The following NCOR2 variants were observed in gnomAD, a reference collection of about 807,000 sequenced individuals.
NCOR2 encodes the protein CTG repeat protein 26.
NCOR2 carries 81 observed loss-of-function variants against 262.9 expected under a neutral mutation model. The ratio of observed to expected loss-of-function variants is 0.31; its 90% CI spans 0.26 to 0.37. NCOR2 has a LOEUF of 0.37. NCOR2 is among the 10% of genes least tolerant of loss of function. The pLI is 1.00. For missense variants in NCOR2, 3,385 were observed against 3,621.4 expected (o/e 0.93, Z 1.68); for synonymous variants, 1,659 against 1,559.3 (o/e 1.06, Z -1.51).
At chr12:124,427,408 T>TA (rs1198615707) in intron 10 of NCOR2, among the ~76,000 whole-genome samples, 1 of 152,148 alleles carries the variant, frequency 6.6e-6, no homozygotes, top group African/African-American at 2.4e-5. Context: ...GGATGACTAT[T>TA]AAGAGGCTCT....
chr12:124,370,509 G>A (rs1682141571), intron 20 of NCOR2, among the ~76,000 whole-genome samples: 1 of 152,288 alleles, frequency 6.6e-6, no homozygotes, highest in South Asian at 2.1e-4. Context: ...CATTCCAAGG[G>A]ACTTGGGAGG....
chr12:124,391,511 G>C (rs1013954427), intron 16 of NCOR2, among the ~76,000 whole-genome samples: 5 of 151,956 alleles, frequency 3.3e-5, no homozygotes, highest in Non-Finnish European at 4.4e-5. Flanking sequence ...GCGGGGGGGG[G>C]GTTCCACAGG....
chr12:124,417,793 G>T lies in NCOR2; in HGVS notation c.1482+2164C>A, dbSNP rs535934927. Among the ~76,000 whole-genome samples the T allele has an allele frequency of 5.2e-4, 79 of 152,314 alleles. 1 individual carries two copies. The highest frequency in any genetic ancestry group is 3.0e-3 in the Admixed American group (46 of 15,298). On this transcript the variant is annotated intron_variant, in intron 13 of 46. Coordinates refer to ENST00000405201, the Ensembl canonical transcript of NCOR2. ...AACACCGTAGCGGCTGAGCACAGTG[G>T]CTCATGCCTGTAATCCCAGCACTTT...
rs749335319 is a variant in NCOR2 at position 124,327,376 on chromosome 12, C to T, written c.7183+33G>A. The T allele has an allele frequency of 1.1e-5, 16 of 1,428,060 alleles. 1 individual carries two copies. In the South Asian group the frequency reaches 2.0e-4, roughly 18 times the overall value. 88.5% of individuals were successfully genotyped at this position (1,428,060 alleles called of 1,614,324 possible). A position where few individuals can be genotyped will look rare whatever the true frequency, so the allele number is the denominator to read the frequency against. ...GGATTAATCACACCGGGGGTGGGGA[C>T]AGACGGGGGCGGGGCGGGGGTGGCC... On this transcript the variant is annotated intron_variant, in intron 45 of 46. Coordinates refer to ENST00000405201, the Ensembl canonical transcript of NCOR2.
At chr12:124,529,047 C>T (rs1160489614) in intron 1 of NCOR2, among the ~76,000 whole-genome samples, 8 of 152,010 alleles carry the variant, frequency 5.3e-5, no homozygotes, top group African/African-American at 1.7e-4. Flanking sequence ...GGCGTGGTGG[C>T]GCATGCCTAT....
intron 20 of NCOR2, among the ~76,000 whole-genome samples, chr12:124,364,660 C>G (rs1396013378): frequency 6.6e-6 from 1 of 152,198 alleles, no homozygotes. Flanking sequence ...TCCAGGATTT[C>G]TAAGTCCCCA....
chr12:124,348,232 G>A, exon 29 of NCOR2: 1 of 1,613,152 alleles, frequency 6.2e-7, no homozygotes, highest in Non-Finnish European at 8.5e-7. Context: ...TGTCATAGGT[G>A]CGCTTGGGGG....
chr12:124,333,863 T>TGTGCGCATGTGTGC (rs2035515764), intron 41 of NCOR2, among the ~76,000 whole-genome samples: 1 of 124,560 alleles, frequency 8.0e-6, no homozygotes, highest in Non-Finnish European at 1.8e-5. Flanking sequence ...TGCATGTGTG[T>TGTGCGCATGTGTGC]GTGCGCATGT....
chr12:124,446,448 G>A (rs2045177317), intron 7 of NCOR2, among the ~76,000 whole-genome samples: 1 of 152,170 alleles, frequency 6.6e-6, no homozygotes, highest in South Asian at 2.1e-4. Flanking sequence ...CCGTGACCTG[G>A]CCTGTGCCCT....
chr12:124,556,376 C>T (rs2051883567), intron 1 of NCOR2: 1 of 152,334 alleles, frequency 6.6e-6, no homozygotes, highest in African/African-American at 2.4e-5. Context: ...ATCTACGAGG[C>T]ACCCACAGTG....
chr12:124,524,648 T>TC (rs999673420), intron 1 of NCOR2, among the ~76,000 whole-genome samples: 9 of 152,302 alleles, frequency 5.9e-5, no homozygotes, highest in Non-Finnish European at 1.2e-4. Context: ...CAACTCCCCG[T>TC]CATAGCCTAA....
At chr12:124,479,444 CACACACGCAT>C (rs1398075907) in intron 3 of NCOR2, among the ~76,000 whole-genome samples, 3 of 105,050 alleles carry the variant, frequency 2.9e-5, no homozygotes, top group Admixed American at 2.0e-4. Flanking sequence ...CACATGTGTG[CACACACGCAT>C]ACACACACAC....
intron 20 of NCOR2, among the ~76,000 whole-genome samples, chr12:124,368,220 C>G (rs766171827): frequency 6.6e-6 from 1 of 152,164 alleles, no homozygotes; most frequent in Non-Finnish European, 1.5e-5. Context: ...CCGAGTGGGT[C>G]GGGCCACCTT....
intron 22 of NCOR2, among the ~76,000 whole-genome samples, chr12:124,358,408 G>T (rs1593199611): frequency 6.6e-6 from 1 of 152,142 alleles, no homozygotes; most frequent in Admixed American, 6.5e-5. Context: ...GTGTGCGAGT[G>T]CATGGATGTG....
At position 124,344,730 on chromosome 12, in the gene NCOR2, C is replaced by T. The variant is rs777942131; in HGVS notation, c.4581G>A (p.Pro1527=). ...GCTTACCCAGCTCAGGCACAATGAC[C>T]GGGGCGCCGCGCGCAATGGAGCCCC... Residue 1527 remains proline, a synonymous_variant, in exon 32 of 47, where the codon CCG becomes CCA. Coordinates refer to ENST00000405201, the Ensembl canonical transcript of NCOR2. 2.5e-5 allele frequency: 38 copies of T among 1,543,176 alleles called. No individual in the cohort carries two copies. Among genetic ancestry groups the T allele is most frequent in the African/African-American group, 2.2e-4 (16 of 73,024 alleles).
Position 124,378,202 on chromosome 12 carries a change from G to A in NCOR2, c.2167+35C>T. The A allele has an allele frequency of 1.2e-6, 2 of 1,604,170 alleles. No individual in the cohort carries two copies. The highest frequency in any genetic ancestry group is 2.2e-5 in the South Asian group (2 of 89,884). ...CCCTCCCTCAGAGCTCGGACCCACA[G>A]CTGCCAGCCACCTCCAAGCCGCGCC... On this transcript the variant is annotated intron_variant, in intron 18 of 46. Transcript: ENST00000405201. This position sits in a 1 kb window ranked among gnomAD's most constrained non-coding sequence, Gnocchi z 4.2.
At chr12:124,480,654 C>T (rs553603418) in intron 3 of NCOR2, among the ~76,000 whole-genome samples, 2 of 152,142 alleles carry the variant, frequency 1.3e-5, no homozygotes, top group East Asian at 3.9e-4. Flanking sequence ...GCACTGGAGG[C>T]GTGGCAGGCC....
At chr12:124,344,886 G>T in exon 32 of NCOR2, 1 of 1,582,714 alleles carries the variant, frequency 6.3e-7, no homozygotes. Flanking sequence ...TGCCGATGAG[G>T]GAGCGTACGT....
At chr12:124,396,551 G>C (rs1364198454) in intron 16 of NCOR2, among the ~76,000 whole-genome samples, 1 of 149,962 alleles carries the variant, frequency 6.7e-6, no homozygotes, top group Non-Finnish European at 1.5e-5. Context: ...GCTGGATACA[G>C]TGCCCAGGCC....
Sources: allele counts gnomAD v4.1 joint callset (sites outside exome capture counted in the v4.1 genomes callset), GRCh38; gene constraint gnomAD v4.1.1; non-coding constraint Gnocchi (gnomAD v3.1); transcripts MANE v1.5; gene names NCBI Gene and HGNC (gene_info 2026-07-23, HGNC 2026-07-21).